Variants in CNTNAP2 observed in about 807,000 individuals in gnomAD.
CNTNAP2 encodes the protein contactin-associated protein-like 2.
CNTNAP2 carries 98 observed loss-of-function variants against 155.2 expected under a neutral mutation model. The ratio of observed to expected loss-of-function variants is 0.63; its 90% CI spans 0.54 to 0.75. The LOEUF (loss-of-function observed/expected upper bound fraction) is 0.75, where lower values mean the gene tolerates loss of function less well. Ranked by LOEUF, CNTNAP2 falls within the 30% of genes least tolerant of loss-of-function variation. The pLI, the probability that CNTNAP2 is intolerant of heterozygous loss-of-function variation, is 0.00. For missense variants in CNTNAP2, 1,727 were observed against 1,688.1 expected (o/e 1.02, Z -0.40); for synonymous variants, 651 against 631.2 (o/e 1.03, Z -0.47).
intron 1 of CNTNAP2, among the ~76,000 whole-genome samples, chr7:146,384,426 T>C (rs933815831): frequency 1.3e-5 from 2 of 152,186 alleles, no homozygotes; most frequent in East Asian, 3.9e-4. Flanking sequence ...GTTTGTGAGT[T>C]TAGCCTTTTC....
At chr7:147,421,734 T>C (rs534619825) in intron 10 of CNTNAP2, among the ~76,000 whole-genome samples, 1 of 152,180 alleles carries the variant, frequency 6.6e-6, no homozygotes, top group South Asian at 2.1e-4. Context: ...AGGAGGTGTT[T>C]GGGTCACGGG....
intron 8 of CNTNAP2, among the ~76,000 whole-genome samples, chr7:147,205,125 T>G (rs993301543): frequency 6.6e-6 from 1 of 152,004 alleles, no homozygotes; most frequent in Admixed American, 6.6e-5. Flanking sequence ...GGTACAAAAG[T>G]TTTTGGGTTA....
chr7:146,777,548 A>G (rs1013046788), intron 2 of CNTNAP2, among the ~76,000 whole-genome samples: 2 of 152,124 alleles, frequency 1.3e-5, no homozygotes, highest in African/African-American at 4.8e-5. Flanking sequence ...AGTCATACAT[A>G]GTTGTTACAA....
At chr7:147,419,783 C>G (rs1271502360) in intron 10 of CNTNAP2, among the ~76,000 whole-genome samples, 1 of 152,048 alleles carries the variant, frequency 6.6e-6, no homozygotes. Flanking sequence ...TGATCTGGTC[C>G]CAGATTTGAT....
chr7:146,146,291 A>G (rs1195990725), intron 1 of CNTNAP2, among the ~76,000 whole-genome samples: 2 of 152,198 alleles, frequency 1.3e-5, no homozygotes, highest in Non-Finnish European at 2.9e-5. Context: ...CAAGACATTC[A>G]GTAACCATTC....
chr7:148,021,176 G>A (rs1470286428), intron 15 of CNTNAP2, among the ~76,000 whole-genome samples: 1 of 127,796 alleles, frequency 7.8e-6, no homozygotes, highest in Non-Finnish European at 1.6e-5. Flanking sequence ...CCTTTTTGTT[G>A]GTGGAGGTTT....
At chr7:146,858,436 G>A (rs1453642568) in intron 3 of CNTNAP2, among the ~76,000 whole-genome samples, 4 of 152,214 alleles carry the variant, frequency 2.6e-5, no homozygotes, top group Non-Finnish European at 4.4e-5. Context: ...GCTCATGCCT[G>A]TAATCCCAGT....
At chr7:148,155,707 A>G (rs1805387169) in intron 17 of CNTNAP2, among the ~76,000 whole-genome samples, 1 of 152,238 alleles carries the variant, frequency 6.6e-6, no homozygotes, top group Admixed American at 6.5e-5. Flanking sequence ...CAGAGAAAGA[A>G]TTAACAATAA....
intron 14 of CNTNAP2, among the ~76,000 whole-genome samples, chr7:147,959,567 A>T (rs1366019000): frequency 6.6e-6 from 1 of 152,172 alleles, no homozygotes; most frequent in South Asian, 2.1e-4. Flanking sequence ...GTGTGCTGAG[A>T]GTAGCAACTC....
intron 13 of CNTNAP2, among the ~76,000 whole-genome samples, chr7:147,861,436 C>T (rs7788047): frequency 0.2 from 31,100 of 152,054 alleles, 3,254 homozygotes; most frequent in South Asian, 0.29. Context: ...AGATAAATCT[C>T]CATGGCTGTT....
intron 1 of CNTNAP2, among the ~76,000 whole-genome samples, chr7:146,499,988 A>G (rs1797277029): frequency 6.6e-6 from 1 of 152,114 alleles, no homozygotes; most frequent in African/African-American, 2.4e-5. Flanking sequence ...TATCATTGTA[A>G]GTAAAAATTT....
intron 19 of CNTNAP2, among the ~76,000 whole-genome samples, chr7:148,219,571 CT>C (rs1237746591): frequency 1.3e-5 from 2 of 152,214 alleles, no homozygotes; most frequent in African/African-American, 4.8e-5. Context: ...AAGGTGCACA[CT>C]TGTGGTCTCA....
chr7:147,785,402 G>A (rs1178551637), intron 13 of CNTNAP2, among the ~76,000 whole-genome samples: 1 of 152,126 alleles, frequency 6.6e-6, no homozygotes, highest in Non-Finnish European at 1.5e-5. Context: ...AGGAGCCAGT[G>A]AACTTTGTAA....
rs536822389 is a variant in CNTNAP2, at chr7:148,250,780, CGTACCCG to C, written c.3382-16251_3382-16245del. 3.2e-3 allele frequency among the ~76,000 whole-genome samples: 493 copies of C among 152,278 alleles called. 2 individuals carry two copies. The highest frequency in any genetic ancestry group is 5.4e-3 in the Non-Finnish European group (368 of 68,026). ...TGCTGGGATTACAGGAGTGAACCAC[CGTACCCG>C]GCCTCATTTTACTTATTATAGCCAC... On this transcript the variant is annotated intron_variant, in intron 20 of 23. Coordinates refer to ENST00000361727, the MANE Select transcript of CNTNAP2 (RefSeq NM_014141.6).
intron 1 of CNTNAP2, among the ~76,000 whole-genome samples, chr7:146,687,439 G>C (rs1353427467): frequency 6.6e-6 from 1 of 151,814 alleles, no homozygotes; most frequent in Admixed American, 6.6e-5. Context: ...GCACGTAACG[G>C]ATATTAGCTA....
intron 17 of CNTNAP2, among the ~76,000 whole-genome samples, chr7:148,159,183 T>C (rs1436317818): frequency 6.6e-6 from 1 of 152,202 alleles, no homozygotes; most frequent in Non-Finnish European, 1.5e-5. Context: ...CTTCCTTTCA[T>C]GGTCCTATTG....
intron 3 of CNTNAP2, among the ~76,000 whole-genome samples, chr7:146,971,064 G>T (rs1406579985): frequency 2.0e-5 from 3 of 152,056 alleles, no homozygotes; most frequent in African/African-American, 7.2e-5. Context: ...ACTGTTGTGG[G>T]GTTGGAGGGG....
chr7:146,657,859 C>A (rs1171156116), intron 1 of CNTNAP2, among the ~76,000 whole-genome samples: 1 of 151,468 alleles, frequency 6.6e-6, no homozygotes, highest in Admixed American at 6.6e-5. Flanking sequence ...TATTAAATAT[C>A]AACAATAACA....
intron 21 of CNTNAP2, among the ~76,000 whole-genome samples, chr7:148,354,888 C>T (rs1798485915): frequency 6.6e-6 from 1 of 152,104 alleles, no homozygotes; most frequent in African/African-American, 2.4e-5. Flanking sequence ...TGGCGGGACT[C>T]TGGCTCTGGC....
Sources: allele counts gnomAD v4.1 joint callset (sites outside exome capture counted in the v4.1 genomes callset), GRCh38; gene constraint gnomAD v4.1.1; transcripts MANE v1.5; gene names NCBI Gene and HGNC (gene_info 2026-07-23, HGNC 2026-07-21).